FRAS1: variants seen among roughly 807,000 people sequenced by gnomAD.
FRAS1 encodes extracellular matrix organizing protein FRAS1.
FRAS1 carries 290 observed loss-of-function variants against 435.2 expected under a neutral mutation model. The ratio of observed to expected loss-of-function variants is 0.67; its 90% CI spans 0.61 to 0.73. The LOEUF (loss-of-function observed/expected upper bound fraction) is 0.73, where lower values mean the gene tolerates loss of function less well. Among genes scored for constraint, FRAS1 ranks in the 30% least tolerant of loss-of-function variants. FRAS1 has a pLI of 0.00. For synonymous variants in FRAS1, 1,800 were observed against 1,851.0 expected (o/e 0.97, Z 0.71); for missense variants, 4,860 against 5,001.5 (o/e 0.97, Z 0.85).
chr4:78,528,911 C>T (rs189841305), intron 70 of FRAS1, among the ~76,000 whole-genome samples: 2 of 152,228 alleles, frequency 1.3e-5, no homozygotes, highest in East Asian at 1.9e-4. Flanking sequence ...CTCCCTTTCC[C>T]GTGCATTCTG....
At chr4:78,447,135 C>T (rs1718865253) in intron 43 of FRAS1, among the ~76,000 whole-genome samples, 1 of 148,396 alleles carries the variant, frequency 6.7e-6, no homozygotes, top group East Asian at 2.0e-4. Context: ...TTCTATGTAA[C>T]CTTAAGCAAA....
intron 59 of FRAS1, among the ~76,000 whole-genome samples, chr4:78,496,481 G>A (rs1720509282): frequency 6.6e-6 from 1 of 152,136 alleles, no homozygotes; most frequent in Non-Finnish European, 1.5e-5. Flanking sequence ...AAGCAGCACA[G>A]AAAAAAATGT....
chr4:78,506,633 C>T (rs1301355514), intron 61 of FRAS1, among the ~76,000 whole-genome samples: 2 of 152,190 alleles, frequency 1.3e-5, no homozygotes, highest in Non-Finnish European at 2.9e-5. Flanking sequence ...CAGGCGTGTC[C>T]CATTTTTCCA....
intron 14 of FRAS1, among the ~76,000 whole-genome samples, chr4:78,304,150 G>T (rs1159197001): frequency 4.7e-5 from 7 of 149,616 alleles, no homozygotes; most frequent in African/African-American, 1.7e-4. Context: ...TTATATGCTG[G>T]ATTACATTTA....
At chr4:78,081,441 A>G (rs780934224) in intron 2 of FRAS1, among the ~76,000 whole-genome samples, 9 of 152,118 alleles carry the variant, frequency 5.9e-5, no homozygotes, top group Non-Finnish European at 1.0e-4. Flanking sequence ...ATTTTGTAGC[A>G]AGACTGTGAT....
At chr4:78,272,818 A>G (rs1726780757) in intron 9 of FRAS1, among the ~76,000 whole-genome samples, 1 of 151,630 alleles carries the variant, frequency 6.6e-6, no homozygotes, top group East Asian at 1.9e-4. Context: ...TTCCATATGA[A>G]CTTTAAAGTA....
chr4:78,086,309 C>T (rs1467861114), intron 2 of FRAS1, among the ~76,000 whole-genome samples: 1 of 152,050 alleles, frequency 6.6e-6, no homozygotes, highest in Non-Finnish European at 1.5e-5. Context: ...ACTGAATGCC[C>T]ACAAGAGAAA....
At chr4:78,097,529 C>T (rs2109911736) in intron 2 of FRAS1, among the ~76,000 whole-genome samples, 1 of 152,304 alleles carries the variant, frequency 6.6e-6, no homozygotes, top group South Asian at 2.1e-4. Context: ...GCTTGCCTTC[C>T]ATCTCACAAT....
At chr4:78,060,504 G>A (rs180865377) in intron 1 of FRAS1, among the ~76,000 whole-genome samples, 1 of 152,338 alleles carries the variant, frequency 6.6e-6, no homozygotes, top group East Asian at 1.9e-4. Flanking sequence ...TCACTTAGCT[G>A]TGTGCTTATT....
chr4:78,338,772 A>G (rs547404178), intron 20 of FRAS1, among the ~76,000 whole-genome samples: 2 of 152,188 alleles, frequency 1.3e-5, no homozygotes, highest in African/African-American at 2.4e-5. Flanking sequence ...TGGCGCTGAC[A>G]TCTCGGCTGT....
chr4:78,402,120 T>C (rs1047473000), intron 30 of FRAS1, among the ~76,000 whole-genome samples: 5 of 135,056 alleles, frequency 3.7e-5, no homozygotes, highest in African/African-American at 1.5e-4. Context: ...AAAGAAGGAA[T>C]TAAAACTGTG....
intron 30 of FRAS1, 33 bp from the exon 31 acceptor site, chr4:78,407,630 C>T: frequency 1.9e-6 from 3 of 1,545,366 alleles, no homozygotes; most frequent in African/African-American, 1.4e-5. Context: ...TTCCTAGGGA[C>T]CCTCACTAAC....
rs142501252 is a variant in FRAS1 at position 78,095,970 on chromosome 4, A to G, written c.108+29954A>G. ...TTACCTCATTCCAACATTAACCCAA[A>G]AGTCCACAGTCCAAAGTTTCATCTG... On this transcript the variant is annotated intron_variant, in intron 2 of 73. Transcript: ENST00000512123. 4.0e-4 allele frequency among the ~76,000 whole-genome samples: 61 copies of G among 152,270 alleles called. No homozygotes were observed. In the East Asian group the frequency reaches 0.012, roughly 29 times the overall value.
At chr4:78,408,107 G>A (rs963816980) in intron 31 of FRAS1, among the ~76,000 whole-genome samples, 4 of 152,292 alleles carry the variant, frequency 2.6e-5, no homozygotes, top group Non-Finnish European at 5.9e-5. Flanking sequence ...TACATGGTGG[G>A]AGGCAAGAGA....
At chr4:78,475,683 A>G (rs936149373) in intron 54 of FRAS1, 77 bp downstream of exon 54, 1 of 1,380,434 alleles carries the variant, frequency 7.2e-7, no homozygotes, top group African/African-American at 1.4e-5. Context: ...GCACTTTCCT[A>G]CTTCTTCCCA....
At chr4:78,419,954 T>C (rs1369441573) in intron 33 of FRAS1, among the ~76,000 whole-genome samples, 1 of 152,120 alleles carries the variant, frequency 6.6e-6, no homozygotes, top group African/African-American at 2.4e-5. Flanking sequence ...TGTTAAACCA[T>C]TAGAGACTGC....
intron 18 of FRAS1, among the ~76,000 whole-genome samples, chr4:78,323,117 A>G (rs1729573013): frequency 6.6e-6 from 1 of 152,212 alleles, no homozygotes; most frequent in African/African-American, 2.4e-5. Context: ...GGCTCTTCAA[A>G]AAAAATGAAC....
intron 2 of FRAS1, among the ~76,000 whole-genome samples, chr4:78,234,824 T>C (rs777759211): frequency 2.0e-5 from 3 of 152,232 alleles, no homozygotes; most frequent in Non-Finnish European, 4.4e-5. Context: ...AGGGTGATTT[T>C]ATTTTTTGCT....
chr4:78,392,719 A>G (rs552479172), intron 29 of FRAS1, among the ~76,000 whole-genome samples: 1 of 123,820 alleles, frequency 8.1e-6, no homozygotes, highest in Non-Finnish European at 1.7e-5. Flanking sequence ...TGGAGGATCT[A>G]TAAAACATTA....
Sources: gnomAD v4.1 joint callset for allele counts (sites outside exome capture counted in the v4.1 genomes callset) on GRCh38, gnomAD v4.1.1 for gene constraint, MANE v1.5 for transcripts, NCBI Gene and HGNC (gene_info 2026-07-23, HGNC 2026-07-21) for gene names.